PTPRD: variants seen among roughly 807,000 people sequenced by gnomAD.
The protein encoded by PTPRD is protein tyrosine phosphatase receptor type D, also known as receptor-type tyrosine-protein phosphatase delta.
In PTPRD, 34 loss-of-function variants were observed where a neutral mutation model predicts 214.5. That is an observed-to-expected ratio of 0.16 (90% CI 0.12 to 0.21). The LOEUF (loss-of-function observed/expected upper bound fraction) is 0.21, where lower values mean the gene tolerates loss of function less well. PTPRD is among the 10% of genes least tolerant of loss of function. The pLI, the probability that PTPRD is intolerant of heterozygous loss-of-function variation, is 1.00. For synonymous variants in PTPRD, 1,128 were observed against 845.7 expected, an observed-to-expected ratio of 1.33 and a Z score of -5.79; for missense variants, 2,545 against 2,398.7, an observed-to-expected ratio of 1.06 and a Z score of -1.27.
intron 8 of PTPRD, among the ~76,000 whole-genome samples, chr9:9,438,083 T>C (rs1451156041): frequency 6.6e-6 from 1 of 152,198 alleles, no homozygotes; most frequent in Non-Finnish European, 1.5e-5. Context: ...CTTCTCTCTG[T>C]ATCCTAATGT....
chr9:10,106,123 T>A (rs1000813332), intron 3 of PTPRD, among the ~76,000 whole-genome samples: 1 of 151,776 alleles, frequency 6.6e-6, no homozygotes, highest in South Asian at 2.1e-4. Context: ...ACTTATTGAA[T>A]TCAATAAGTT....
At chr9:10,467,222 C>T (rs1289087514) in intron 2 of PTPRD, among the ~76,000 whole-genome samples, 1 of 152,168 alleles carries the variant, frequency 6.6e-6, no homozygotes, top group Admixed American at 6.5e-5. Flanking sequence ...TGGCTCTACT[C>T]TCAATAGTTG....
At chr9:9,636,675 G>T (rs530833738) in intron 7 of PTPRD, among the ~76,000 whole-genome samples, 57 of 152,266 alleles carry the variant, frequency 3.7e-4, no homozygotes, top group Non-Finnish European at 6.5e-4. Flanking sequence ...ATTGTCACCA[G>T]CTTGTGGATG....
chr9:9,543,931 A>G (rs2078170950), intron 8 of PTPRD, among the ~76,000 whole-genome samples: 2 of 151,660 alleles, frequency 1.3e-5, no homozygotes, highest in African/African-American at 2.4e-5. Context: ...TTTAATACAA[A>G]TTTTGCTTTG....
At chr9:9,910,121 G>C (rs1209730289) in intron 5 of PTPRD, among the ~76,000 whole-genome samples, 1 of 151,894 alleles carries the variant, frequency 6.6e-6, no homozygotes, top group African/African-American at 2.4e-5. Flanking sequence ...TTTCATATCT[G>C]TGAAGGCAGA....
intron 40 of PTPRD, 53 bp downstream of exon 40, chr9:8,341,634 TCAAAGA>T: frequency 6.3e-7 from 1 of 1,580,956 alleles, no homozygotes; most frequent in South Asian, 1.2e-5. Context: ...AAGCCACGAC[TCAAAGA>T]CAAACCCAGA....
chr9:8,827,079 G>A (rs962554242), intron 11 of PTPRD, among the ~76,000 whole-genome samples: 1 of 151,772 alleles, frequency 6.6e-6, no homozygotes, highest in Non-Finnish European at 1.5e-5. Flanking sequence ...CACCCTCATG[G>A]TTCAGAGTAG....
At chr9:9,042,467 C>T (rs976538232) in intron 10 of PTPRD, among the ~76,000 whole-genome samples, 1 of 151,970 alleles carries the variant, frequency 6.6e-6, no homozygotes, top group African/African-American at 2.4e-5. Context: ...TGCAGGTCTC[C>T]CCGAAAATTG....
chr9:10,590,860 A>T (rs2075264884), intron 2 of PTPRD, among the ~76,000 whole-genome samples: 2 of 151,340 alleles, frequency 1.3e-5, no homozygotes, highest in Non-Finnish European at 2.9e-5. Flanking sequence ...GGCAAATGTT[A>T]TATACTGAAA....
chr9:10,509,488 T>G (rs2133693006), intron 2 of PTPRD, among the ~76,000 whole-genome samples: 1 of 146,996 alleles, frequency 6.8e-6, no homozygotes, highest in South Asian at 2.2e-4. Context: ...TATCTATCTA[T>G]CTATCTATCT....
At chr9:9,646,340 T>G (rs911808111) in intron 7 of PTPRD, among the ~76,000 whole-genome samples, 10 of 145,260 alleles carry the variant, frequency 6.9e-5, no homozygotes, top group South Asian at 4.3e-4. Context: ...TGTGTGTGTG[T>G]GTGGGTGTGT....
chr9:9,882,005 A>G (rs1453517051), intron 5 of PTPRD, among the ~76,000 whole-genome samples: 1 of 152,072 alleles, frequency 6.6e-6, no homozygotes, highest in East Asian at 1.9e-4. Context: ...TCCACCATGG[A>G]TTGTATAGTG....
chr9:9,448,288 T>C (rs2091101567), intron 8 of PTPRD, among the ~76,000 whole-genome samples: 1 of 152,050 alleles, frequency 6.6e-6, no homozygotes. Flanking sequence ...TCTCTAATTG[T>C]AGTCCCCACA....
chr9:8,381,470 T>G (rs551445062), intron 37 of PTPRD, among the ~76,000 whole-genome samples: 44 of 152,100 alleles, frequency 2.9e-4, no homozygotes, highest in African/African-American at 1.1e-3. Flanking sequence ...TGTAGTTCTC[T>G]GCACTCAATC....
chr9:8,373,910 CTAT>C (rs879835415), intron 39 of PTPRD, among the ~76,000 whole-genome samples: 1,951 of 88,760 alleles, frequency 0.022, 22 homozygotes, highest in Middle Eastern at 0.071. Flanking sequence ...ATCTATCTAT[CTAT>C]CTACCTACCT....
chr9:8,391,339 G>A (rs1174969399), intron 36 of PTPRD, among the ~76,000 whole-genome samples: 2 of 152,116 alleles, frequency 1.3e-5, no homozygotes, highest in Non-Finnish European at 2.9e-5. Context: ...AGCATTAGTT[G>A]AAAAGCCTTT....
chr9:8,607,105 G>C (rs1434725198), intron 14 of PTPRD, among the ~76,000 whole-genome samples: 2 of 152,106 alleles, frequency 1.3e-5, no homozygotes, highest in East Asian at 1.9e-4. Context: ...AAGTTCAAGA[G>C]ATCTATTGTA....
intron 11 of PTPRD, among the ~76,000 whole-genome samples, chr9:8,911,440 T>A (rs543577162): frequency 0.02 from 3,030 of 149,072 alleles, 99 homozygotes; most frequent in African/African-American, 0.068. Flanking sequence ...TGTGTGTGTG[T>A]GAGAGAGAGA....
At chr9:9,911,414 G>A (rs540652811) in intron 5 of PTPRD, among the ~76,000 whole-genome samples, 64 of 147,884 alleles carry the variant, frequency 4.3e-4, no homozygotes, top group African/African-American at 1.5e-3. Context: ...CCATAAAGAA[G>A]GCATTTAGAA....
Sources: allele counts gnomAD v4.1 joint callset (sites outside exome capture counted in the v4.1 genomes callset), GRCh38; gene constraint gnomAD v4.1.1; transcripts MANE v1.5; gene names NCBI Gene and HGNC (gene_info 2026-07-23, HGNC 2026-07-21).